The following NMBR variants were observed in gnomAD, a reference collection of about 807,000 sequenced individuals.
NMBR encodes neuromedin B receptor.
NMBR carries 16 observed loss-of-function variants against 20.5 expected under a neutral mutation model. The observed-to-expected ratio is 0.78, with a 90% CI of 0.53 to 1.19. The LOEUF is 1.19. Among genes scored for constraint, NMBR ranks in the 50% most tolerant of loss-of-function variants. The probability of loss-of-function intolerance (pLI) is 0.00; values close to 1 mark genes in which losing one functional copy is unlikely to be tolerated. For missense variants in NMBR, 582 were observed against 499.1 expected, an observed-to-expected ratio of 1.17 and a Z score of -1.58; for synonymous variants, 212 against 196.6, an observed-to-expected ratio of 1.08 and a Z score of -0.65.
chr6:142,086,833 A>G (rs1390796145), intron 2 of NMBR, among the ~76,000 whole-genome samples: 1 of 152,200 alleles, frequency 6.6e-6, no homozygotes, highest in Admixed American at 6.5e-5. Context: ...TCTTGCTACC[A>G]ATGCCATGTC....
At position 142,075,470 on chromosome 6, in the gene NMBR, A is replaced by T; in HGVS notation, c.*178T>A. ...TAAAGTCTTTTCTCATATTCTAATT[A>T]TTAGGAAATGAAAAGAGAAAAAATA... On this transcript the variant is annotated 3_prime_UTR_variant, in exon 4 of 4. Transcript: ENST00000258042. 1.8e-6 allele frequency: 1 copy of T among 550,858 alleles called. No homozygotes were observed. Among genetic ancestry groups the T allele is most frequent in the Non-Finnish European group, 3.2e-6 (1 of 315,646 alleles). 34.1% of individuals were successfully genotyped at this position (550,858 alleles called of 1,614,324 possible).
intron 1 of NMBR, among the ~76,000 whole-genome samples, chr6:142,094,646 T>C (rs1475477781): frequency 4.2e-4 from 64 of 152,190 alleles, no homozygotes. Flanking sequence ...TCTTTTTTGG[T>C]TCCATATGAA....
At position 142,147,073 on chromosome 6, in the gene NMBR, A is replaced by T; in HGVS notation, c.-693T>A. 1.8e-6 allele frequency: 1 copy of T among 568,336 alleles called. No individual in the cohort carries two copies. Among genetic ancestry groups the T allele is most frequent in the Admixed American group, 3.0e-5 (1 of 33,664 alleles). 35.2% of individuals were successfully genotyped at this position (568,336 alleles called of 1,614,324 possible). A position where few individuals can be genotyped will look rare whatever the true frequency, so the allele number is the denominator to read the frequency against. On this transcript the variant is annotated 5_prime_UTR_variant, in exon 1 of 4. It removes an upstream start codon present in the reference 5' UTR. Transcript: ENST00000258042. The stretch of plus-strand genomic sequence containing the variant: ...AGAGAGCGCTAGCGCCATGCGCGGC[A>T]TAAGCGCCAAAATGCTCGGGTCTTC...
At chr6:142,108,770 G>C (rs527874270) in intron 1 of NMBR, among the ~76,000 whole-genome samples, 1 of 152,004 alleles carries the variant, frequency 6.6e-6, no homozygotes, top group Non-Finnish European at 1.5e-5. Context: ...TATCATGTCC[G>C]CACATTTCAA....
intron 1 of NMBR, among the ~76,000 whole-genome samples, chr6:142,098,336 A>G (rs1777498916): frequency 6.6e-6 from 1 of 152,118 alleles, no homozygotes. Flanking sequence ...CATCAATGCA[A>G]TAAGACAAGA....
intron 1 of NMBR, among the ~76,000 whole-genome samples, chr6:142,126,309 T>C (rs979108101): frequency 6.6e-6 from 1 of 151,692 alleles, no homozygotes; most frequent in African/African-American, 2.4e-5. Flanking sequence ...CATTAATCTG[T>C]GGATGGACAT....
At chr6:142,117,742 T>C (rs2114595142) in intron 1 of NMBR, among the ~76,000 whole-genome samples, 1 of 152,050 alleles carries the variant, frequency 6.6e-6, no homozygotes, top group East Asian at 1.9e-4. Context: ...ATGTCAAATA[T>C]GAAAAAATCG....
chr6:142,113,112 A>T (rs571176175), intron 1 of NMBR, among the ~76,000 whole-genome samples: 120 of 152,232 alleles, frequency 7.9e-4, no homozygotes, highest in African/African-American at 2.8e-3. Context: ...TACATGCTAG[A>T]TGCTACTTTT....
At position 142,088,458 on chromosome 6, in the gene NMBR, G is replaced by A. The variant is rs368028844; in HGVS notation, c.201C>T (p.Ile67=). The change falls in exon 2 of 4, where the codon ATC becomes ATT. Residue 67 remains isoleucine (I), a synonymous_variant. Coordinates refer to ENST00000258042, the MANE Select transcript of NMBR (RefSeq NM_002511.4). Reference sequence around the variant, plus strand: ...TCCTCATGGCGCTGTTGGTGATGAAGATCTTCACCAGCATGATGTTGCCCA... The same window carrying A: ...TCCTCATGGCGCTGTTGGTGATGAAAATCTTCACCAGCATGATGTTGCCCA... ...GLLGNIMLVK[I]FITNSAMRSV... 9 of 1,613,966 alleles carry A rather than the reference G, an allele frequency of 5.6e-6. No individual in the cohort carries two copies. Among genetic ancestry groups the A allele is most frequent in the Admixed American group, 3.3e-5 (2 of 59,998 alleles).
intron 1 of NMBR, among the ~76,000 whole-genome samples, chr6:142,127,950 C>G (rs540792312): frequency 1.4e-4 from 21 of 152,028 alleles, no homozygotes; most frequent in Admixed American, 1.2e-3. Flanking sequence ...GATAATTTTA[C>G]TTCTTTTTTT....
chr6:142,102,051 G>A (rs1367846464), intron 1 of NMBR, among the ~76,000 whole-genome samples: 1 of 152,112 alleles, frequency 6.6e-6, no homozygotes, highest in African/African-American at 2.4e-5. Flanking sequence ...GGGTTGTCAT[G>A]AACCAAACCA....
chr6:142,113,270 T>C (rs1777803344), intron 1 of NMBR, among the ~76,000 whole-genome samples: 1 of 152,120 alleles, frequency 6.6e-6, no homozygotes, highest in South Asian at 2.1e-4. Flanking sequence ...TAAAGTCATA[T>C]TTATTTTTCA....
chr6:142,100,638 A>T lies in NMBR; in HGVS notation c.-663-11317T>A, dbSNP rs144212304. 9.6e-4 allele frequency among the ~76,000 whole-genome samples: 146 copies of T among 152,346 alleles called. 1 individual carries two copies. The highest frequency in any genetic ancestry group is 3.3e-3 in the African/African-American group (137 of 41,592). On this transcript the variant is annotated intron_variant, in intron 1 of 3. Transcript: ENST00000258042. ...TGTAATTGTAGAAATGTGTAATTAT[A>T]GGTGGGTTCACACCCAGAGAATGTA...
intron 1 of NMBR, among the ~76,000 whole-genome samples, chr6:142,121,213 T>C (rs910812961): frequency 2.6e-5 from 4 of 151,924 alleles, no homozygotes; most frequent in African/African-American, 4.8e-5. Context: ...GCTCTACCAA[T>C]TGGCTGTTTC....
intron 1 of NMBR, among the ~76,000 whole-genome samples, chr6:142,102,566 T>C (rs1283087944): frequency 6.6e-6 from 1 of 152,136 alleles, no homozygotes; most frequent in South Asian, 2.1e-4. Flanking sequence ...TATTATGTAG[T>C]ATAACTTTCA....
At chr6:142,133,311 G>A in intron 1 of NMBR, 1 of 448,144 alleles carries the variant, frequency 2.2e-6, no homozygotes, top group Non-Finnish European at 4.0e-6. Context: ...ATACTGTTAA[G>A]TGTCAACCAT....
chr6:142,094,218 C>T lies in NMBR; in HGVS notation c.-663-4897G>A, dbSNP rs368949393. ...GCTTTTGGTGTTTTAGACATGAAGT[C>T]CTTGCCCATGCCTATGTCCTGAATG... is the stretch of plus-strand genomic sequence containing the variant. On this transcript the variant is annotated intron_variant, in intron 1 of 3. Coordinates refer to ENST00000258042, the MANE Select transcript of NMBR (RefSeq NM_002511.4). Among the ~76,000 whole-genome samples the T allele has an allele frequency of 2.0e-4, 30 of 152,078 alleles. No homozygotes were observed. The East Asian group carries it at 4.2e-3, about 22-fold the overall frequency.
At chr6:142,085,042 A>T (rs1285081352) in intron 2 of NMBR, among the ~76,000 whole-genome samples, 1 of 152,238 alleles carries the variant, frequency 6.6e-6, no homozygotes, top group Non-Finnish European at 1.5e-5. Context: ...TCAAGATAAC[A>T]GTTTAAAAAA....
In NMBR at chr6:142,075,982, A is replaced by T. The variant is rs1360950627; in HGVS notation, c.839T>A (p.Phe280Tyr). ...VFVGCFIFCW[F>Y]PNHILYMYRS... ...ATACATGTAAAGGATGTGGTTTGGA[A>T]ACCAACAGAAGATGAAACAGCCCAC... is the stretch of plus-strand genomic sequence containing the variant. The change falls in exon 4 of 4, where the codon TTT becomes TAT. Residue 280 changes from phenylalanine to tyrosine, a missense_variant. By Grantham distance (22) the Phe-to-Tyr change is conservative (BLOSUM62 3). Coordinates refer to ENST00000258042, the MANE Select transcript of NMBR (RefSeq NM_002511.4). The T allele has an allele frequency of 1.2e-6, 2 of 1,612,862 alleles. No individual in the cohort carries two copies. Among genetic ancestry groups the T allele is most frequent in the African/African-American group, 2.7e-5 (2 of 74,848 alleles).
Sources: allele counts gnomAD v4.1 joint callset (sites outside exome capture counted in the v4.1 genomes callset), GRCh38; gene constraint gnomAD v4.1.1; transcripts MANE v1.5; gene names NCBI Gene and HGNC (gene_info 2026-07-23, HGNC 2026-07-21).